CATSPERT: variants seen among roughly 807,000 people sequenced by gnomAD.
The protein encoded by CATSPERT is cation channel sperm-associated targeting subunit tau.
At chr2:201,575,453 G>A in the CATSPERT span, 1 of 512,568 alleles carries the variant, frequency 2.0e-6, no homozygotes, top group East Asian at 3.5e-5. Flanking sequence ...TAGGAACTGG[G>A]CTGCACAGCA....
At chr2:201,503,682 GCCACT>G in the CATSPERT span, among the ~76,000 whole-genome samples, 1 of 152,328 alleles carries the variant, frequency 6.6e-6, no homozygotes, top group African/African-American at 2.4e-5. Context: ...GCAGGTGTGA[GCCACT>G]GTGCCTGGCC....
chr2:201,575,283 AT>A, the CATSPERT span: 1 of 1,588,408 alleles, frequency 6.3e-7, no homozygotes, highest in Non-Finnish European at 8.5e-7. Context: ...AGTCCTTACT[AT>A]GTTTCCATGC....
chr2:201,591,666 A>C, the CATSPERT span, among the ~76,000 whole-genome samples: 6 of 152,166 alleles, frequency 3.9e-5, no homozygotes, highest in Admixed American at 6.6e-5. Flanking sequence ...TTCCTTGCTC[A>C]GTAGTTTGTA....
At chr2:201,492,829 G>C in the CATSPERT span, 2 of 1,536,510 alleles carry the variant, frequency 1.3e-6, no homozygotes, top group Admixed American at 2.0e-5. Context: ...GTCCTCCTTG[G>C]TGATATGTCC....
At chr2:201,587,788 A>G in the CATSPERT span, among the ~76,000 whole-genome samples, 4 of 152,146 alleles carry the variant, frequency 2.6e-5, no homozygotes, top group African/African-American at 9.7e-5. Flanking sequence ...ATTCAAATAA[A>G]GACAACCAGA....
the CATSPERT span, chr2:201,511,845 T>TAAAAA: frequency 3.5e-5 from 3 of 86,670 alleles, no homozygotes; most frequent in African/African-American, 4.6e-5. Context: ...CTTGGCTCAT[T>TAAAAA]AAAAAAAAAA....
chr2:201,516,811 G>A, the CATSPERT span, among the ~76,000 whole-genome samples: 1 of 151,890 alleles, frequency 6.6e-6, no homozygotes, highest in Admixed American at 6.6e-5. Flanking sequence ...GGGAAGGGGT[G>A]GGGCACAGAT....
At chr2:201,540,581 G>C in the CATSPERT span, among the ~76,000 whole-genome samples, 1 of 152,170 alleles carries the variant, frequency 6.6e-6, no homozygotes, top group East Asian at 1.9e-4. Context: ...TTTGCAGCAT[G>C]GTTTACTGAA....
the CATSPERT span, among the ~76,000 whole-genome samples, chr2:201,510,436 A>G: frequency 2.0e-5 from 3 of 152,300 alleles, no homozygotes; most frequent in East Asian, 3.9e-4. Context: ...AAAGCAAGAC[A>G]CTGTCTCAAT....
the CATSPERT span, among the ~76,000 whole-genome samples, chr2:201,527,635 G>A: frequency 6.6e-6 from 1 of 152,000 alleles, no homozygotes; most frequent in African/African-American, 2.4e-5. Context: ...TTTTGACAAA[G>A]TCGACAATAA....
At chr2:201,552,655 T>C in the CATSPERT span, among the ~76,000 whole-genome samples, 2 of 152,318 alleles carry the variant, frequency 1.3e-5, no homozygotes, top group South Asian at 4.1e-4. Flanking sequence ...GAGTCAAAAG[T>C]TATATATGGA....
chr2:201,608,445 C>T, the CATSPERT span, among the ~76,000 whole-genome samples: 5 of 152,000 alleles, frequency 3.3e-5, no homozygotes, highest in Admixed American at 6.6e-5. Context: ...ATGTGACCCT[C>T]GAGGAATATT....
chr2:201,606,719 C>T, the CATSPERT span, among the ~76,000 whole-genome samples: 1 of 151,824 alleles, frequency 6.6e-6, no homozygotes, highest in Non-Finnish European at 1.5e-5. Context: ...GCCAACATGG[C>T]GAAAACCCAC....
the CATSPERT span, among the ~76,000 whole-genome samples, chr2:201,496,327 G>A: frequency 6.6e-6 from 1 of 152,080 alleles, no homozygotes; most frequent in Non-Finnish European, 1.5e-5. Flanking sequence ...ATTATATTGA[G>A]ATAGCATTTT....
chr2:201,580,687 T>G, the CATSPERT span, among the ~76,000 whole-genome samples: 3 of 152,216 alleles, frequency 2.0e-5, no homozygotes, highest in African/African-American at 7.2e-5. Context: ...ACTTCCTTGC[T>G]GTATGTAACA....
At chr2:201,592,142 T>G in the CATSPERT span, among the ~76,000 whole-genome samples, 1 of 152,180 alleles carries the variant, frequency 6.6e-6, no homozygotes, top group Non-Finnish European at 1.5e-5. Context: ...TAGCTCTTAT[T>G]ATTTTGAAAT....
the CATSPERT span, chr2:201,536,419 C>T: frequency 7.4e-7 from 1 of 1,355,550 alleles, no homozygotes; most frequent in Non-Finnish European, 9.8e-7. Flanking sequence ...GTACCCTTAT[C>T]CTTTAGCATA....
the CATSPERT span, among the ~76,000 whole-genome samples, chr2:201,505,093 C>CT: frequency 1.9e-4 from 28 of 149,144 alleles, no homozygotes; most frequent in Middle Eastern, 0.01. Flanking sequence ...AAATGGTTCA[C>CT]TTTTTTTTTT....
At chr2:201,491,654 C>A in the CATSPERT span, 1 of 1,537,102 alleles carries the variant, frequency 6.5e-7, no homozygotes, top group South Asian at 1.2e-5. Flanking sequence ...AAGTACTCAT[C>A]TTCCCTTGGC....
Sources: gnomAD v4.1 joint callset for allele counts (sites outside exome capture counted in the v4.1 genomes callset) on GRCh38, gnomAD v4.1.1 for gene constraint, MANE v1.5 for transcripts, NCBI Gene and HGNC (gene_info 2026-07-23, HGNC 2026-07-21) for gene names.